Variants in FBXO7 observed in about 807,000 individuals in gnomAD.
FBXO7 encodes F-box only protein 7.
Under a neutral mutation model 50.2 loss-of-function variants are expected in FBXO7, and 31 were observed. The observed-to-expected ratio is 0.62, with a 90% CI of 0.46 to 0.83. FBXO7 has a LOEUF of 0.83. FBXO7 is among the 40% of genes least tolerant of loss of function. The probability of loss-of-function intolerance (pLI) is 0.00; values close to 1 mark genes in which losing one functional copy is unlikely to be tolerated. For synonymous variants in FBXO7, 256 were observed against 253.1 expected, an observed-to-expected ratio of 1.01 and a Z score of -0.11; for missense variants, 667 against 646.6, an observed-to-expected ratio of 1.03 and a Z score of -0.34.
At chr22:32,478,925 A>G (rs967799561) in intron 1 of FBXO7, 56 bp from the exon 2 acceptor site, 7 of 1,461,398 alleles carry the variant, frequency 4.8e-6, no homozygotes, top group African/African-American at 4.2e-5. Context: ...CAGATGTGCT[A>G]TTGAAGGTAT....
At position 32,496,203 on chromosome 22, in the gene FBXO7, G is replaced by A. The variant is rs993601093; in HGVS notation, c.1182+673G>A. On this transcript the variant is annotated intron_variant, in intron 8 of 8. Transcript: ENST00000266087. ...CTTAACAATTATGCTAAATCAGGCCGGGTGTGGTGGCTCACGCCTGTAATC... is the reference window on the plus strand; with the variant it reads ...CTTAACAATTATGCTAAATCAGGCCAGGTGTGGTGGCTCACGCCTGTAATC... Among the ~76,000 whole-genome samples the A allele has an allele frequency of 5.3e-5, 8 of 152,172 alleles. No individual in the cohort carries two copies. In the East Asian group the frequency reaches 1.3e-3, roughly 26 times the overall value.
intron 5 of FBXO7, 165 bp from the exon 6 acceptor site, chr22:32,490,921 A>C (rs1043247486): frequency 6.3e-5 from 37 of 590,492 alleles, no homozygotes; most frequent in Non-Finnish European, 1.5e-5. Context: ...ATTCAGTTTC[A>C]TCAAGTCTTG....
At chr22:32,475,238 G>T in intron 1 of FBXO7, 114 bp downstream of exon 1, 1 of 1,532,682 alleles carries the variant, frequency 6.5e-7, no homozygotes, top group Non-Finnish European at 8.7e-7. Flanking sequence ...CGGGCGATAG[G>T]CCAAGTGCGG....
intron 7 of FBXO7, 59 bp from the exon 8 acceptor site, chr22:32,495,434 G>A (rs2057567762): frequency 8.5e-7 from 1 of 1,176,088 alleles, no homozygotes; most frequent in Non-Finnish European, 1.3e-6. Context: ...AAAACCCACT[G>A]TTTAATGCAG....
chr22:32,484,165 C>A, intron 3 of FBXO7, 41 bp downstream of exon 3: 1 of 1,531,792 alleles, frequency 6.5e-7, no homozygotes, highest in South Asian at 1.1e-5. Flanking sequence ...TATGATTGCT[C>A]ATACATGTGG....
chr22:32,485,594 C>T (rs17771806), intron 4 of FBXO7, among the ~76,000 whole-genome samples: 21,156 of 151,908 alleles, frequency 0.14, 1,946 homozygotes, highest in Non-Finnish European at 0.22. Context: ...ATTTTTTTAA[C>T]GAAGGTCTTG....
At chr22:32,490,916 G>T (rs1345530377) in intron 5 of FBXO7, 170 bp from the exon 6 acceptor site, 1 of 583,984 alleles carries the variant, frequency 1.7e-6, no homozygotes, top group East Asian at 2.9e-5. Context: ...CTAAGATTCA[G>T]TTTCATCAAG....
chr22:32,478,564 A>T (rs2247590), intron 1 of FBXO7, among the ~76,000 whole-genome samples: 1 of 151,890 alleles, frequency 6.6e-6, no homozygotes, highest in Admixed American at 6.6e-5. Flanking sequence ...TAATTTTCTC[A>T]AAACTATAAG....
chr22:32,479,366 C>A (rs2057449516), intron 2 of FBXO7, 91 bp downstream of exon 2: 16 of 1,131,190 alleles, frequency 1.4e-5, no homozygotes, highest in Middle Eastern at 2.0e-4. Flanking sequence ...GGATAATTAT[C>A]ATCGATAGAT....
intron 2 of FBXO7, among the ~76,000 whole-genome samples, chr22:32,482,083 A>G (rs2057468793): frequency 6.6e-6 from 1 of 152,202 alleles, no homozygotes; most frequent in African/African-American, 2.4e-5. Flanking sequence ...ACAACTGCCA[A>G]TAAGTAGTAA....
chr22:32,490,065 CTCTT>C (rs1420881033), intron 5 of FBXO7: 1 of 152,242 alleles, frequency 6.6e-6, no homozygotes, highest in African/African-American at 2.4e-5. Context: ...AGCTGCATAT[CTCTT>C]TCCTTCTTCT....
intron 6 of FBXO7, chr22:32,492,542 A>G (rs1212386226): frequency 6.5e-6 from 1 of 153,548 alleles, no homozygotes; most frequent in Admixed American, 6.5e-5. Flanking sequence ...ATTTGCTAAC[A>G]CTTGAGTGCT....
chr22:32,482,926 C>T (rs1158580358), intron 2 of FBXO7, among the ~76,000 whole-genome samples: 5 of 152,090 alleles, frequency 3.3e-5, no homozygotes, highest in African/African-American at 1.2e-4. Context: ...TAATCAAGCC[C>T]GTTGCAAGGC....
chr22:32,496,553 A>G (rs2057576459), intron 8 of FBXO7, among the ~76,000 whole-genome samples: 1 of 152,230 alleles, frequency 6.6e-6, no homozygotes, highest in African/African-American at 2.4e-5. Flanking sequence ...AAATGGAACA[A>G]CAAAGCCTGG....
In FBXO7 at chr22:32,475,086, G is replaced by C; in HGVS notation, c.84G>C (p.Ser28=). The stretch of plus-strand genomic sequence containing the variant: ...AGCCGACGCTGGGGCATTTGCGCTC[G>C]CACCTGAGGCAGTCCCTGCTGTGCA... ...ETEPTLGHLR[S]HLRQSLLCTW... Residue 28 remains serine (S), a synonymous_variant, in exon 1 of 9, where the codon TCG becomes TCC. Transcript: ENST00000266087. 6.5e-7 allele frequency: 1 copy of C among 1,546,154 alleles called. No individual in the cohort carries two copies. The highest frequency in any genetic ancestry group is 8.7e-7 in the Non-Finnish European group (1 of 1,145,948).
At chr22:32,493,440 C>T (rs578070770) in intron 7 of FBXO7, among the ~76,000 whole-genome samples, 159 bp downstream of exon 7, 20 of 152,248 alleles carry the variant, frequency 1.3e-4, no homozygotes, top group African/African-American at 4.6e-4. Context: ...GTGCCTGTGT[C>T]CCTAAAACTC....
intron 2 of FBXO7, among the ~76,000 whole-genome samples, chr22:32,482,013 CCT>C (rs2057468038): frequency 6.7e-6 from 1 of 149,872 alleles, no homozygotes; most frequent in South Asian, 2.1e-4. Context: ...TTGATATCTC[CCT>C]CTCATGTACT....
At chr22:32,486,235 G>GTTT (rs11454552) in intron 4 of FBXO7, among the ~76,000 whole-genome samples, 4 of 148,934 alleles carry the variant, frequency 2.7e-5, no homozygotes, top group African/African-American at 9.8e-5. Context: ...AAAAATGTTG[G>GTTT]TTTTTTTTTT....
In FBXO7 at chr22:32,498,688, G is replaced by A; in HGVS notation, c.*158G>A. 1.1e-6 allele frequency: 1 copy of A among 889,814 alleles called. No individual in the cohort carries two copies. The highest frequency in any genetic ancestry group is 1.7e-6 in the Non-Finnish European group (1 of 578,766). 55.1% of individuals were successfully genotyped at this position (889,814 alleles called of 1,614,324 possible). Reference sequence around the variant, plus strand: ...TAAGAGATACATTTATAGCCCTAGGGGTGGTATGACCCAAAGGTTCCTCTG... The same window carrying A: ...TAAGAGATACATTTATAGCCCTAGGAGTGGTATGACCCAAAGGTTCCTCTG... On this transcript the variant is annotated 3_prime_UTR_variant, in exon 9 of 9. Transcript: ENST00000266087.
Sources: gnomAD v4.1 joint callset for allele counts (sites outside exome capture counted in the v4.1 genomes callset) on GRCh38, gnomAD v4.1.1 for gene constraint, MANE v1.5 for transcripts, NCBI Gene and HGNC (gene_info 2026-07-23, HGNC 2026-07-21) for gene names.